TTLL7: variants seen among roughly 807,000 people sequenced by gnomAD.
TTLL7 encodes tubulin tyrosine ligase like 7.
In TTLL7, 53 loss-of-function variants were observed where a neutral mutation model predicts 120.2. The ratio of observed to expected loss-of-function variants is 0.44; its 90% CI spans 0.35 to 0.55. TTLL7 has a LOEUF of 0.55. Ranked by LOEUF, TTLL7 falls within the 20% of genes least tolerant of loss-of-function variation. The pLI is 0.00. For missense variants in TTLL7, 803 were observed against 1,054.7 expected, an observed-to-expected ratio of 0.76 and a Z score of 3.31; for synonymous variants, 353 against 351.7, an observed-to-expected ratio of 1.00 and a Z score of -0.04.
chr1:83,906,390 T>C lies in TTLL7; in HGVS notation c.2066A>G (p.Lys689Arg), dbSNP rs754086428. 5.6e-6 allele frequency: 9 copies of C among 1,612,594 alleles called. No homozygotes were observed. The highest frequency in any genetic ancestry group is 3.4e-6 in the Non-Finnish European group (4 of 1,179,114). Residue 689 changes from lysine to arginine, a missense_variant, in exon 17 of 21, where the codon AAA becomes AGA. Lys to Arg is a conservative substitution (Grantham distance 26). Around this residue, in one of 3 missense-constraint regions of TTLL7, gnomAD observed 388 missense variants for 450.4 expected, o/e 0.86. Coordinates refer to ENST00000260505, the MANE Select transcript of TTLL7 (RefSeq NM_024686.6). ...TCCTGGAAACCGGATCTTCATGTCT[T>C]TGAGAACAAATAAGGTCTGACTTGT... ...DLTSQTLFVL[K>R]DMKIRFPGKS... is the part of the protein sequence containing the mutation.
Position 83,952,295 on chromosome 1 carries a change from G to A in TTLL7, c.-84C>T. On this transcript the variant is annotated 5_prime_UTR_variant, in exon 2 of 21. Coordinates refer to ENST00000260505, the MANE Select transcript of TTLL7 (RefSeq NM_024686.6). ...TGGAAATTCCACATTAGTCTAAGTA[G>A]GATATGGCCCCAAATCACTGAAAGT... 7.1e-7 allele frequency: 1 copy of A among 1,416,892 alleles called. No individual in the cohort carries two copies. Among genetic ancestry groups the A allele is most frequent in the South Asian group, 1.3e-5 (1 of 78,234 alleles). The allele number at this position is 1,416,892 out of a possible 1,614,324, so 87.8% of individuals were successfully genotyped here.
At chr1:83,984,818 G>A (rs1415930373) in intron 1 of TTLL7, among the ~76,000 whole-genome samples, 2 of 152,028 alleles carry the variant, frequency 1.3e-5, no homozygotes, top group Admixed American at 6.6e-5. Context: ...ACTACTGATT[G>A]GGTACTATGC....
chr1:83,933,368 C>T (rs1018037493), intron 9 of TTLL7, among the ~76,000 whole-genome samples: 4 of 152,120 alleles, frequency 2.6e-5, no homozygotes, highest in Non-Finnish European at 4.4e-5. Flanking sequence ...ACTTCAATCC[C>T]AAATACCTGG....
At chr1:83,941,784 C>T (rs1170171308) in intron 7 of TTLL7, among the ~76,000 whole-genome samples, 1 of 152,070 alleles carries the variant, frequency 6.6e-6, no homozygotes, top group African/African-American at 2.4e-5. Flanking sequence ...TAAATTATAG[C>T]TAGAACTTTT....
intron 1 of TTLL7, among the ~76,000 whole-genome samples, chr1:83,967,422 T>C (rs547459157): frequency 6.6e-6 from 1 of 152,132 alleles, no homozygotes; most frequent in African/African-American, 2.4e-5. Context: ...ACCTCATCTT[T>C]GGTCAGGGCT....
chr1:83,925,977 C>T (rs1475520589), intron 10 of TTLL7, among the ~76,000 whole-genome samples: 3 of 151,758 alleles, frequency 2.0e-5, no homozygotes, highest in Admixed American at 1.3e-4. Flanking sequence ...AAAAATTAGC[C>T]GGGAGTGCTG....
At chr1:83,990,649 C>T (rs1051137295) in intron 1 of TTLL7, among the ~76,000 whole-genome samples, 1 of 152,126 alleles carries the variant, frequency 6.6e-6, no homozygotes, top group African/African-American at 2.4e-5. Flanking sequence ...AAATCTGTAA[C>T]AAATATCATA....
At position 83,868,866 on chromosome 1, in the gene TTLL7, A is replaced by G. The variant is rs1393130404; in HGVS notation, c.*1096T>C. ...TTTCTGTTCCTTTATGTGATTATGA[A>G]AAGTAAAAATGAAAGCTAGTTTACA... On this transcript the variant is annotated 3_prime_UTR_variant, in exon 21 of 21. Coordinates refer to ENST00000260505, the MANE Select transcript of TTLL7 (RefSeq NM_024686.6). 1 of 152,078 alleles carries G rather than the reference A, an allele frequency of 6.6e-6. No homozygotes were observed. The highest frequency in any genetic ancestry group is 1.5e-5 in the Non-Finnish European group (1 of 68,002). 9.4% of individuals were successfully genotyped at this position (152,078 alleles called of 1,614,324 possible). A position where few individuals can be genotyped will look rare whatever the true frequency, so the allele number is the denominator to read the frequency against.
At chr1:83,870,218 T>A in intron 20 of TTLL7, 136 bp from the exon 21 acceptor site, 1 of 779,352 alleles carries the variant, frequency 1.3e-6, no homozygotes, top group Non-Finnish European at 1.9e-6. Flanking sequence ...TATAAAAAGA[T>A]TTCCTCCTCC....
intron 18 of TTLL7, among the ~76,000 whole-genome samples, chr1:83,899,836 C>T (rs558220087): frequency 9.9e-5 from 15 of 151,928 alleles, no homozygotes; most frequent in Middle Eastern, 3.4e-3. Flanking sequence ...CTCCACATAA[C>T]GGTGTATGAT....
intron 19 of TTLL7, among the ~76,000 whole-genome samples, chr1:83,887,598 C>A (rs977712096): frequency 6.6e-6 from 1 of 152,062 alleles, no homozygotes; most frequent in African/African-American, 2.4e-5. Context: ...GGTCTCAAAA[C>A]TACTCCTGCC....
intron 1 of TTLL7, among the ~76,000 whole-genome samples, chr1:83,996,883 C>T (rs1033082147): frequency 6.7e-6 from 1 of 150,316 alleles, no homozygotes; most frequent in Non-Finnish European, 1.5e-5. Context: ...TTTTTTTTAA[C>T]AGCAGTGGTA....
At chr1:83,972,735 T>C (rs1430273824) in intron 1 of TTLL7, among the ~76,000 whole-genome samples, 3 of 152,042 alleles carry the variant, frequency 2.0e-5, no homozygotes, top group Admixed American at 6.6e-5. Flanking sequence ...CATCAGTACT[T>C]GGTGTTGTGA....
Position 83,942,653 on chromosome 1 carries a change from T to C in TTLL7, c.533A>G (p.Lys178Arg), listed in dbSNP as rs1331456575. 1.9e-6 allele frequency: 3 copies of C among 1,613,060 alleles called. No individual in the cohort carries two copies. The South Asian group carries it at 3.3e-5, about 18-fold the overall frequency. The change falls in exon 7 of 21, where the codon AAA (lysine) becomes AGA (arginine). Residue 178 changes from lysine (K) to arginine (R), a missense_variant. Physicochemically the swap from Lys to Arg is conservative, Grantham distance 26. Around this residue, in one of 3 missense-constraint regions of TTLL7, gnomAD observed 324 missense variants for 507.7 expected, o/e 0.64. Coordinates refer to ENST00000260505, the MANE Select transcript of TTLL7 (RefSeq NM_024686.6). ...AATCAAATGATCCTGAGATGGAAGT[T>C]TGTCACCATTTCTTATCAAAGAAAT... ...HGISLIRNGD[K>R]LPSQDHLIVQ...
intron 20 of TTLL7, chr1:83,880,300 T>A (rs1280963451): frequency 6.6e-6 from 1 of 152,014 alleles, no homozygotes; most frequent in East Asian, 1.9e-4. Flanking sequence ...AGCTTCTATT[T>A]GTAGAAGAGT....
Position 83,865,843 on chromosome 1 carries a change from C to A in TTLL7, c.*4119G>T, listed in dbSNP as rs2100682324. 2 of 151,870 alleles carry A rather than the reference C, an allele frequency of 1.3e-5. No homozygotes were observed. Among genetic ancestry groups the A allele is most frequent in the East Asian group, 3.9e-4 (2 of 5,184 alleles). The allele number at this position is 151,870 out of a possible 1,614,324, so 9.4% of individuals were successfully genotyped here. ...CTCTTTTCTTGAGGCTTTGTTAATA[C>A]AAAGGTCAAAATTTCACCTTTGAAC... On this transcript the variant is annotated 3_prime_UTR_variant, in exon 21 of 21. Transcript: ENST00000260505.
intron 20 of TTLL7, among the ~76,000 whole-genome samples, chr1:83,878,750 T>C (rs762238924): frequency 2.0e-5 from 3 of 151,998 alleles, no homozygotes; most frequent in Non-Finnish European, 2.9e-5. Flanking sequence ...GAAATGAGCT[T>C]ATATGAAAGC....
At chr1:83,993,118 G>C (rs1653160229) in intron 1 of TTLL7, among the ~76,000 whole-genome samples, 1 of 152,078 alleles carries the variant, frequency 6.6e-6, no homozygotes, top group Non-Finnish European at 1.5e-5. Context: ...ATGACATAGT[G>C]TTAAGACCAC....
At chr1:83,971,861 G>A (rs969775965) in intron 1 of TTLL7, among the ~76,000 whole-genome samples, 12 of 152,036 alleles carry the variant, frequency 7.9e-5, no homozygotes, top group African/African-American at 2.7e-4. Flanking sequence ...AGAATATTGG[G>A]AAGAAGGGAT....
Sources: gnomAD v4.1 joint callset for allele counts (sites outside exome capture counted in the v4.1 genomes callset) on GRCh38, gnomAD v4.1.1 for gene constraint, gnomAD v4.1.1 regional missense constraint, MANE v1.5 for transcripts, NCBI Gene and HGNC (gene_info 2026-07-23, HGNC 2026-07-21) for gene names.